Variants in TMTC4 observed in about 807,000 individuals in gnomAD.
TMTC4 encodes transmembrane O-mannosyltransferase targeting cadherins 4.
Under a neutral mutation model 86.0 loss-of-function variants are expected in TMTC4, and 65 were observed. That is an observed-to-expected ratio of 0.76 (90% CI 0.62 to 0.93). The LOEUF (loss-of-function observed/expected upper bound fraction) is 0.93, where lower values mean the gene tolerates loss of function less well. TMTC4 is among the 40% of genes least tolerant of loss of function. TMTC4 has a pLI of 0.00. For missense variants in TMTC4, 866 were observed against 948.1 expected, an observed-to-expected ratio of 0.91 and a Z score of 1.14; for synonymous variants, 379 against 382.5, an observed-to-expected ratio of 0.99 and a Z score of 0.11.
At chr13:100,608,552 G>A (rs568278741) in intron 17 of TMTC4, among the ~76,000 whole-genome samples, 2 of 152,340 alleles carry the variant, frequency 1.3e-5, no homozygotes, top group East Asian at 3.9e-4. Flanking sequence ...CCAAGTCACG[G>A]GGGCAGCCCC....
At chr13:100,614,860 T>A in intron 15 of TMTC4, 1 of 932,308 alleles carries the variant, frequency 1.1e-6, no homozygotes, top group Non-Finnish European at 1.3e-6. Context: ...AAGTTCATTG[T>A]TGATAAAGTA....
intron 2 of TMTC4, 98 bp downstream of exon 2, chr13:100,670,262 G>A (rs946021986): frequency 8.5e-6 from 12 of 1,420,048 alleles, no homozygotes; most frequent in East Asian, 2.5e-5. Context: ...GAATCAATAA[G>A]AAGCCAGCCA....
intron 6 of TMTC4, among the ~76,000 whole-genome samples, chr13:100,646,861 G>T (rs181329820): frequency 2.2e-3 from 333 of 149,314 alleles, no homozygotes; most frequent in Admixed American, 3.6e-3. Flanking sequence ...AGCACTTAAC[G>T]TATTTATTGT....
Position 100,625,771 on chromosome 13 carries a change from A to T in TMTC4, c.1694+14T>A. 1.2e-6 allele frequency: 2 copies of T among 1,610,952 alleles called. No homozygotes were observed. The highest frequency in any genetic ancestry group is 1.7e-6 in the Non-Finnish European group (2 of 1,179,338). The stretch of plus-strand genomic sequence containing the variant: ...TTTCTTTGTCACTAGCATAATTATA[A>T]AAACAATGCTTACTGTATTTGAACA... On this transcript the variant is annotated intron_variant, in intron 14 of 18. Transcript: ENST00000342624.
intron 6 of TMTC4, among the ~76,000 whole-genome samples, chr13:100,650,452 A>G (rs932871561): frequency 6.6e-6 from 1 of 152,228 alleles, no homozygotes; most frequent in Non-Finnish European, 1.5e-5. Flanking sequence ...CCTTTCAGAA[A>G]AAGCATCACG....
intron 17 of TMTC4, among the ~76,000 whole-genome samples, chr13:100,611,546 C>G (rs1321549799): frequency 6.6e-6 from 1 of 152,178 alleles, no homozygotes; most frequent in Non-Finnish European, 1.5e-5. Flanking sequence ...GATGGCGCCA[C>G]TGCACTCCAG....
intron 3 of TMTC4, 155 bp downstream of exon 3, chr13:100,668,424 G>A (rs1272122985): frequency 1.1e-5 from 8 of 740,444 alleles, no homozygotes; most frequent in African/African-American, 1.8e-5. Flanking sequence ...AAATCATGGA[G>A]GCGATGTTGA....
chr13:100,642,160 G>A (rs750678278), intron 7 of TMTC4, 51 bp downstream of exon 7: 6 of 1,590,590 alleles, frequency 3.8e-6, no homozygotes, highest in East Asian at 2.2e-5. Context: ...CTTTATAGGA[G>A]GGAAAAGGAC....
chr13:100,625,701 TAAAC>T (rs1183238517), intron 14 of TMTC4, 25 bp from the exon 15 acceptor site: 4 of 1,611,904 alleles, frequency 2.5e-6, no homozygotes, highest in Admixed American at 1.7e-5. Flanking sequence ...TTAACAAAGA[TAAAC>T]AAGAAGATGA....
At chr13:100,666,642 T>C (rs773108092) in intron 3 of TMTC4, among the ~76,000 whole-genome samples, 3 of 152,200 alleles carry the variant, frequency 2.0e-5, no homozygotes, top group African/African-American at 4.8e-5. Flanking sequence ...AAATGAATAA[T>C]GGAATTTAAA....
intron 5 of TMTC4, among the ~76,000 whole-genome samples, chr13:100,660,534 A>G (rs978515258): frequency 7.9e-5 from 12 of 152,106 alleles, no homozygotes; most frequent in African/African-American, 2.9e-4. Flanking sequence ...GCCAGCATTC[A>G]GGCCGCTGGC....
chr13:100,665,756 T>G (rs917443573), intron 3 of TMTC4, among the ~76,000 whole-genome samples: 2 of 152,244 alleles, frequency 1.3e-5, no homozygotes, highest in Non-Finnish European at 2.9e-5. Context: ...ACTTAAGTGC[T>G]TGCTGACTCA....
At chr13:100,611,132 G>A (rs890539642) in intron 17 of TMTC4, among the ~76,000 whole-genome samples, 2 of 152,216 alleles carry the variant, frequency 1.3e-5, no homozygotes. Flanking sequence ...AATAACACTG[G>A]ACAGATATTA....
At chr13:100,632,053 A>ACACACACTCTCTCTCTCTCT (rs1296569630) in intron 12 of TMTC4, among the ~76,000 whole-genome samples, 10 of 43,142 alleles carry the variant, frequency 2.3e-4, no homozygotes, top group South Asian at 1.0e-3. Flanking sequence ...ACACACACAC[A>ACACACACTCTCTCTCTCTCT]CTCTCTCTCT....
rs1001230896 is a variant in TMTC4, at chr13:100,616,864, CTGT to C, written c.1837-2437_1837-2435del. ...GCCTTTTGCCCACTTTTTAATGGGGCTGTTTTTTTGCTTGTTGATTTGTTACTT... is the reference window on the plus strand; with the variant it reads ...GCCTTTTGCCCACTTTTTAATGGGGCTTTTTTGCTTGTTGATTTGTTACTT... On this transcript the variant is annotated intron_variant, in intron 15 of 18. Coordinates refer to ENST00000342624, the MANE Select transcript of TMTC4 (RefSeq NM_032813.5). Among the ~76,000 whole-genome samples the C allele has an allele frequency of 7.2e-5, 11 of 151,984 alleles. 1 individual carries two copies. The highest frequency in any genetic ancestry group is 6.6e-5 in the Admixed American group (1 of 15,252).
chr13:100,622,274 G>T (rs1263137392), intron 15 of TMTC4, among the ~76,000 whole-genome samples: 1 of 152,180 alleles, frequency 6.6e-6, no homozygotes, highest in Non-Finnish European at 1.5e-5. Flanking sequence ...TGCCCACGAA[G>T]AAATAATTCC....
chr13:100,637,678 C>G lies in TMTC4; in HGVS notation c.859G>C (p.Gly287Arg). The change falls in exon 9 of 19, where the codon GGC (glycine) becomes CGC (arginine). Residue 287 changes from glycine to arginine, a missense_variant. Transcript: ENST00000342624. ...LENLGMLRNGGLLFRMTLLTS... is the reference protein window; with the variant it reads ...LENLGMLRNGRLLFRMTLLTS... The stretch of plus-strand genomic sequence containing the variant: ...AGCAGGGTCATTCTGAAGAGGAGGC[C>G]CCCGTTCCTGAGCATGCCGAGATTC... The G allele has an allele frequency of 6.2e-7, 1 of 1,613,964 alleles. No homozygotes were observed.
rs1887639824 is a variant in TMTC4, at chr13:100,674,776, C to T, written c.-240G>A. On this transcript the variant is annotated 5_prime_UTR_variant, in exon 1 of 19. Coordinates refer to ENST00000342624, the MANE Select transcript of TMTC4 (RefSeq NM_032813.5). ...GAGCCTGAGCCCCGGCCGCATCTCC[C>T]TCCCGGGTGCGGAAACTCTGGCGGC... The T allele has an allele frequency of 1.0e-6, 1 of 983,834 alleles. No individual in the cohort carries two copies. Among genetic ancestry groups the T allele is most frequent in the South Asian group, 4.7e-5 (1 of 21,298 alleles). The allele number at this position is 983,834 out of a possible 1,614,324, so 60.9% of individuals were successfully genotyped here. A position where few individuals can be genotyped will look rare whatever the true frequency, so the allele number is the denominator to read the frequency against.
chr13:100,625,309 G>A (rs542391379), intron 15 of TMTC4: 9 of 576,108 alleles, frequency 1.6e-5, no homozygotes, highest in East Asian at 6.2e-5. Context: ...AACCTTTTGC[G>A]TGGGTGACCT....
Sources: gnomAD v4.1 joint callset for allele counts (sites outside exome capture counted in the v4.1 genomes callset) on GRCh38, gnomAD v4.1.1 for gene constraint, MANE v1.5 for transcripts, NCBI Gene and HGNC (gene_info 2026-07-23, HGNC 2026-07-21) for gene names.